GSK3B: variants seen among roughly 807,000 people sequenced by gnomAD.
The protein encoded by GSK3B is glycogen synthase kinase-3 beta.
In GSK3B, 15 loss-of-function variants were observed where a neutral mutation model predicts 56.4. That is an observed-to-expected ratio of 0.27 (90% CI 0.18 to 0.41). GSK3B has a LOEUF of 0.41. Ranked by LOEUF, GSK3B falls within the 10% of genes least tolerant of loss-of-function variation. GSK3B has a pLI of 1.00. For missense variants in GSK3B, 300 were observed against 513.4 expected, an observed-to-expected ratio of 0.58 and a Z score of 4.02; for synonymous variants, 181 against 188.9, an observed-to-expected ratio of 0.96 and a Z score of 0.34.
At chr3:119,905,361 A>T (rs867907655) in intron 7 of GSK3B, among the ~76,000 whole-genome samples, 1 of 152,042 alleles carries the variant, frequency 6.6e-6, no homozygotes, top group Non-Finnish European at 1.5e-5. Flanking sequence ...GACCAAATAC[A>T]AGTATCTCCT....
intron 1 of GSK3B, among the ~76,000 whole-genome samples, chr3:120,032,879 C>T (rs2057989399): frequency 6.6e-6 from 1 of 152,168 alleles, no homozygotes; most frequent in Non-Finnish European, 1.5e-5. Context: ...TTTTAATTCA[C>T]ATAACAAATA....
rs900006991 is a variant in GSK3B at position 120,049,244 on chromosome 3, T to C, written c.88+44103A>G. Among the ~76,000 whole-genome samples, 4 of 152,346 alleles carry C rather than the reference T, an allele frequency of 2.6e-5. No individual in the cohort carries two copies. The East Asian group carries it at 7.7e-4, about 29-fold the overall frequency. Reference sequence around the variant, plus strand: ...TCTGACTGACTAGTTAGGAAGAGTCTAACACAAAAGCAATCCATTTATTCA... The same window carrying C: ...TCTGACTGACTAGTTAGGAAGAGTCCAACACAAAAGCAATCCATTTATTCA... On this transcript the variant is annotated intron_variant, in intron 1 of 10. Transcript: ENST00000264235.
Position 120,093,515 on chromosome 3 carries a change from G to A in GSK3B, c.-81C>T. The A allele has an allele frequency of 2.3e-6, 2 of 871,438 alleles. No individual in the cohort carries two copies. The highest frequency in any genetic ancestry group is 2.4e-5 in the East Asian group (1 of 41,204). 54.0% of individuals were successfully genotyped at this position (871,438 alleles called of 1,614,324 possible). A position where few individuals can be genotyped will look rare whatever the true frequency, so the allele number is the denominator to read the frequency against. On this transcript the variant is annotated 5_prime_UTR_variant, in exon 1 of 11. Coordinates refer to ENST00000264235, the MANE Select transcript of GSK3B (RefSeq NM_001146156.2). The stretch of plus-strand genomic sequence containing the variant: ...CTTTATGTTGGGGTGTTAGGTTAAC[G>A]ATAAATGCAGCATTAAGTTCTCCCA...
At chr3:119,917,217 G>A (rs528424110) in intron 4 of GSK3B, among the ~76,000 whole-genome samples, 1 of 152,130 alleles carries the variant, frequency 6.6e-6, no homozygotes, top group Non-Finnish European at 1.5e-5. Context: ...CTAAGGCTTA[G>A]GTTAATTAAA....
At position 120,022,315 on chromosome 3, in the gene GSK3B, C is replaced by A. The variant is rs577853639; in HGVS notation, c.89-20076G>T. On this transcript the variant is annotated intron_variant, in intron 1 of 10. Transcript: ENST00000264235. ...GCTGTTTAGACATAATGCTACTGCA[C>A]TTTATAAACTACAGTATAGTGCAAA... Among the ~76,000 whole-genome samples, 6 of 152,306 alleles carry A rather than the reference C, an allele frequency of 3.9e-5. No individual in the cohort carries two copies. The South Asian group carries it at 1.2e-3, about 32-fold the overall frequency.
At chr3:120,032,900 C>G (rs2057989647) in intron 1 of GSK3B, among the ~76,000 whole-genome samples, 2 of 152,206 alleles carry the variant, frequency 1.3e-5, no homozygotes, top group Non-Finnish European at 2.9e-5. Context: ...ATTCACCCAA[C>G]TAAAGTGCAC....
At chr3:120,018,484 C>G (rs1160944364) in intron 1 of GSK3B, among the ~76,000 whole-genome samples, 1 of 152,088 alleles carries the variant, frequency 6.6e-6, no homozygotes, top group African/African-American at 2.4e-5. Context: ...AGCAATGACT[C>G]TATAGTATTA....
chr3:120,067,919 GA>G (rs1038181253), intron 1 of GSK3B, among the ~76,000 whole-genome samples: 1 of 152,060 alleles, frequency 6.6e-6, no homozygotes, highest in African/African-American at 2.4e-5. Context: ...GTTTTTAAGG[GA>G]AAAAAAGATA....
At chr3:119,973,795 G>T (rs1014601524) in intron 2 of GSK3B, among the ~76,000 whole-genome samples, 5 of 152,038 alleles carry the variant, frequency 3.3e-5, no homozygotes, top group Non-Finnish European at 7.4e-5. Context: ...GAAAAAAATG[G>T]TACATATAGG....
intron 1 of GSK3B, among the ~76,000 whole-genome samples, chr3:120,027,456 CA>C (rs994985423): frequency 6.6e-6 from 1 of 150,422 alleles, no homozygotes; most frequent in Non-Finnish European, 1.5e-5. Flanking sequence ...AGGAATATGG[CA>C]AAAGAAAGTA....
chr3:120,049,614 C>A (rs565618374), intron 1 of GSK3B, among the ~76,000 whole-genome samples: 1 of 152,106 alleles, frequency 6.6e-6, no homozygotes, highest in Non-Finnish European at 1.5e-5. Flanking sequence ...AGATCTTACA[C>A]CATGATAAAG....
At chr3:119,879,242 G>A (rs563309839) in intron 7 of GSK3B, among the ~76,000 whole-genome samples, 51 of 152,184 alleles carry the variant, frequency 3.4e-4, no homozygotes, top group South Asian at 1.0e-3. Context: ...GTGCAGTGGC[G>A]TGATCTCAGC....
intron 1 of GSK3B, among the ~76,000 whole-genome samples, chr3:120,086,581 T>A (rs1224812511): frequency 1.3e-5 from 2 of 152,030 alleles, no homozygotes; most frequent in Non-Finnish European, 2.9e-5. Flanking sequence ...GATTGCTTGA[T>A]TCCAGGAGTT....
At chr3:119,915,318 T>G (rs2056769814) in intron 5 of GSK3B, among the ~76,000 whole-genome samples, 1 of 152,064 alleles carries the variant, frequency 6.6e-6, no homozygotes, top group African/African-American at 2.4e-5. Flanking sequence ...GTTAAAAAGA[T>G]ACACAGGAAT....
intron 3 of GSK3B, among the ~76,000 whole-genome samples, chr3:119,942,561 C>T (rs777737602): frequency 6.6e-6 from 1 of 152,258 alleles, no homozygotes; most frequent in East Asian, 1.9e-4. Flanking sequence ...GGATTACAGG[C>T]GTGAGCCACC....
intron 2 of GSK3B, among the ~76,000 whole-genome samples, chr3:119,985,914 A>T (rs2057511467): frequency 6.6e-6 from 1 of 152,358 alleles, no homozygotes; most frequent in African/African-American, 2.4e-5. Flanking sequence ...TAGAGGCATC[A>T]TGCTACCTGA....
chr3:119,847,584 C>T (rs1176938382), intron 9 of GSK3B, among the ~76,000 whole-genome samples: 2 of 152,036 alleles, frequency 1.3e-5, no homozygotes, highest in Non-Finnish European at 2.9e-5. Flanking sequence ...TAGTAATCAA[C>T]TTACAGAAAA....
chr3:120,027,952 T>TA (rs970729141), intron 1 of GSK3B, among the ~76,000 whole-genome samples: 10 of 151,700 alleles, frequency 6.6e-5, no homozygotes, highest in South Asian at 2.1e-4. Flanking sequence ...CACTGGGTTC[T>TA]AAAAAAAAAT....
At chr3:120,062,785 A>G (rs2058248820) in intron 1 of GSK3B, among the ~76,000 whole-genome samples, 1 of 152,240 alleles carries the variant, frequency 6.6e-6, no homozygotes, top group African/African-American at 2.4e-5. Flanking sequence ...ATCTGGATTT[A>G]CTTTTAGTAT....
Sources: gnomAD v4.1 joint callset for allele counts (sites outside exome capture counted in the v4.1 genomes callset) on GRCh38, gnomAD v4.1.1 for gene constraint, MANE v1.5 for transcripts, NCBI Gene and HGNC (gene_info 2026-07-23, HGNC 2026-07-21) for gene names.